The following SEL1L2 variants were observed in gnomAD, a reference collection of about 807,000 sequenced individuals.
SEL1L2 encodes protein sel-1 homolog 2.
A neutral mutation model predicts 98.8 loss-of-function variants in SEL1L2; 89 were observed. The ratio of observed to expected loss-of-function variants is 0.90; its 90% CI spans 0.76 to 1.07. SEL1L2 has a LOEUF of 1.07. SEL1L2 is among the 50% of genes least tolerant of loss of function. SEL1L2 has a pLI of 0.00. For synonymous variants in SEL1L2, 262 were observed against 278.5 expected (o/e 0.94, Z 0.59); for missense variants, 788 against 812.0 (o/e 0.97, Z 0.36).
chr20:13,934,116 C>T (rs2049287363), intron 2 of SEL1L2, among the ~76,000 whole-genome samples: 1 of 150,290 alleles, frequency 6.7e-6, no homozygotes, highest in African/African-American at 2.4e-5. Context: ...ATTCCTCATC[C>T]TCTTCCTACC....
chr20:13,892,900 A>C (rs1465778336), intron 5 of SEL1L2, among the ~76,000 whole-genome samples: 1 of 152,236 alleles, frequency 6.6e-6, no homozygotes, highest in Admixed American at 6.5e-5. Flanking sequence ...CTGTGGCTGA[A>C]AAGATGAAAG....
intron 19 of SEL1L2, 23 bp downstream of exon 19, chr20:13,850,168 G>A (rs1480080442): frequency 6.2e-7 from 1 of 1,613,022 alleles, no homozygotes; most frequent in Non-Finnish European, 8.5e-7. Context: ...CAGAGATTCA[G>A]GACCTGTTCA....
At chr20:13,953,304 T>G (rs1230877092) in intron 2 of SEL1L2, among the ~76,000 whole-genome samples, 1 of 152,130 alleles carries the variant, frequency 6.6e-6, no homozygotes, top group African/African-American at 2.4e-5. Flanking sequence ...CTTCTCACCT[T>G]CAGGCTATCA....
At chr20:13,893,148 A>G (rs1444058868) in intron 5 of SEL1L2, among the ~76,000 whole-genome samples, 1 of 151,650 alleles carries the variant, frequency 6.6e-6, no homozygotes, top group East Asian at 1.9e-4. Context: ...TCTGTTCCCC[A>G]CTCCCCTGAT....
chr20:13,859,181 A>G (rs1012088614), intron 18 of SEL1L2, 81 bp downstream of exon 18: 2 of 1,326,576 alleles, frequency 1.5e-6, no homozygotes, highest in South Asian at 2.5e-5. Flanking sequence ...TGATGACATC[A>G]ATGAAATTCA....
intron 14 of SEL1L2, among the ~76,000 whole-genome samples, chr20:13,868,261 T>C (rs1327089827): frequency 2.0e-5 from 3 of 152,048 alleles, no homozygotes; most frequent in Non-Finnish European, 4.4e-5. Flanking sequence ...TCTTTGAGGG[T>C]AAGCAATCCT....
At chr20:13,887,293 A>G (rs1374465439) in intron 8 of SEL1L2, among the ~76,000 whole-genome samples, 1 of 152,198 alleles carries the variant, frequency 6.6e-6, no homozygotes, top group Admixed American at 6.5e-5. Context: ...GATCCTAATA[A>G]TGCCAAAGAT....
chr20:13,922,346 G>A (rs1482544945), intron 3 of SEL1L2, among the ~76,000 whole-genome samples: 2 of 152,112 alleles, frequency 1.3e-5, no homozygotes, highest in African/African-American at 2.4e-5. Context: ...TTATTCAAGC[G>A]TATTTGAGTC....
At chr20:13,907,037 A>C (rs1413721859) in intron 5 of SEL1L2, among the ~76,000 whole-genome samples, 1 of 152,208 alleles carries the variant, frequency 6.6e-6, no homozygotes, top group African/African-American at 2.4e-5. Flanking sequence ...TTAAAATAGA[A>C]TAATTATAGA....
In SEL1L2 at chr20:13,849,371, G is replaced by A. The variant is rs1181156757; in HGVS notation, c.*114C>T. 5 of 1,345,902 alleles carry A rather than the reference G, an allele frequency of 3.7e-6. No individual in the cohort carries two copies. Among genetic ancestry groups the A allele is most frequent in the Non-Finnish European group, 5.2e-6 (5 of 964,670 alleles). The allele number at this position is 1,345,902 out of a possible 1,614,324, so 83.4% of individuals were successfully genotyped here. ...CAAGTCTTGTCTGTTTCCCATCACA[G>A]CCCTGAGCGGGAAACTGCAGCGGAC... On this transcript the variant is annotated 3_prime_UTR_variant, in exon 20 of 20. Coordinates refer to ENST00000284951, the MANE Select transcript of SEL1L2 (RefSeq NM_025229.2).
chr20:13,869,229 T>C (rs755693150), intron 14 of SEL1L2, among the ~76,000 whole-genome samples: 1 of 152,178 alleles, frequency 6.6e-6, no homozygotes, highest in African/African-American at 2.4e-5. Flanking sequence ...ACCTTTCTCG[T>C]GAGTGTCGTA....
intron 2 of SEL1L2, among the ~76,000 whole-genome samples, chr20:13,932,440 TA>T (rs2049191446): frequency 5.3e-5 from 8 of 149,554 alleles, no homozygotes; most frequent in African/African-American, 1.5e-4. Flanking sequence ...TTATTATTAT[TA>T]TTATTTTTTG....
chr20:13,970,935 A>G (rs1183522539), intron 1 of SEL1L2, among the ~76,000 whole-genome samples: 1 of 150,182 alleles, frequency 6.7e-6, no homozygotes, highest in African/African-American at 2.4e-5. Flanking sequence ...ATATAGGAAT[A>G]TTAATTTTTT....
chr20:13,902,670 G>T (rs2047734172), intron 5 of SEL1L2, among the ~76,000 whole-genome samples: 1 of 151,870 alleles, frequency 6.6e-6, no homozygotes, highest in African/African-American at 2.4e-5. Context: ...TCCACACCTG[G>T]AATTTGACAT....
intron 1 of SEL1L2, among the ~76,000 whole-genome samples, chr20:13,962,499 G>T (rs1024700157): frequency 1.3e-5 from 2 of 152,144 alleles, no homozygotes; most frequent in African/African-American, 4.8e-5. Context: ...GCATGAAACT[G>T]CATGAGAGTG....
At chr20:13,938,487 T>G (rs2049569895) in intron 2 of SEL1L2, among the ~76,000 whole-genome samples, 1 of 152,222 alleles carries the variant, frequency 6.6e-6, no homozygotes, top group Admixed American at 6.5e-5. Flanking sequence ...ATTAGTTTTA[T>G]TCTCAAAACA....
Position 13,983,023 on chromosome 20 carries a change from C to CA in SEL1L2, c.58+7453dup, listed in dbSNP as rs57993052. Reference sequence around the variant, plus strand: ...TGGGCAACAGAGCAAGACTCCATCTCAAAAAAAAAAAAAAAAAAAAAAAAA... The same window carrying CA: ...TGGGCAACAGAGCAAGACTCCATCTCAAAAAAAAAAAAAAAAAAAAAAAAAA... On this transcript the variant is annotated intron_variant, in intron 1 of 19. Coordinates refer to ENST00000284951, the MANE Select transcript of SEL1L2 (RefSeq NM_025229.2). Among the ~76,000 whole-genome samples, 85 of 15,562 alleles carry CA rather than the reference C, an allele frequency of 5.5e-3. 9 individuals carry two copies. The highest frequency in any genetic ancestry group is 0.012 in the Admixed American group (8 of 670). The allele number at this position is 15,562 out of a possible 152,430, so 10.2% of individuals were successfully genotyped here. A position where few individuals can be genotyped will look rare whatever the true frequency, so the allele number is the denominator to read the frequency against.
At chr20:13,929,736 G>T (rs113281654) in intron 3 of SEL1L2, among the ~76,000 whole-genome samples, 3,509 of 151,108 alleles carry the variant, frequency 0.023, 54 homozygotes, top group Non-Finnish European at 0.038. Context: ...TCCTGACCTC[G>T]TGATCCTCCC....
At chr20:13,878,225 T>A (rs1022517631) in intron 10 of SEL1L2, among the ~76,000 whole-genome samples, 8 of 152,072 alleles carry the variant, frequency 5.3e-5, no homozygotes, top group Non-Finnish European at 1.0e-4. Flanking sequence ...AGGCCTCATC[T>A]CGACCTTCCG....
Sources: allele counts gnomAD v4.1 joint callset (sites outside exome capture counted in the v4.1 genomes callset), GRCh38; gene constraint gnomAD v4.1.1; transcripts MANE v1.5; gene names NCBI Gene and HGNC (gene_info 2026-07-23, HGNC 2026-07-21).